The following PPP3CA variants were observed in gnomAD, a reference collection of about 807,000 sequenced individuals.
PPP3CA encodes CAM-PRP catalytic subunit.
Under a neutral mutation model 66.5 loss-of-function variants are expected in PPP3CA, and 14 were observed. The ratio of observed to expected loss-of-function variants is 0.21; its 90% CI spans 0.14 to 0.33. PPP3CA has a LOEUF of 0.33. PPP3CA is among the 10% of genes least tolerant of loss of function. The pLI, the probability that PPP3CA is intolerant of heterozygous loss-of-function variation, is 1.00. For synonymous variants in PPP3CA, 232 were observed against 226.2 expected (o/e 1.03, Z -0.23); for missense variants, 317 against 639.5 (o/e 0.50, Z 5.44).
intron 1 of PPP3CA, among the ~76,000 whole-genome samples, chr4:101,278,236 A>T (rs1443673198): frequency 6.6e-6 from 1 of 151,944 alleles, no homozygotes; most frequent in Non-Finnish European, 1.5e-5. Context: ...CAGTTTCTTA[A>T]TTATAAGCTT....
intron 6 of PPP3CA, among the ~76,000 whole-genome samples, chr4:101,092,939 T>C (rs1228857037): frequency 2.0e-5 from 3 of 152,152 alleles, no homozygotes; most frequent in African/African-American, 7.2e-5. Context: ...GTCTTTATAG[T>C]AGAATGATAT....
intron 2 of PPP3CA, among the ~76,000 whole-genome samples, chr4:101,186,854 T>G (rs1295435935): frequency 6.6e-6 from 1 of 152,080 alleles, no homozygotes; most frequent in Non-Finnish European, 1.5e-5. Context: ...AACCATACAC[T>G]AGAATCAACA....
intron 1 of PPP3CA, among the ~76,000 whole-genome samples, chr4:101,264,139 T>C (rs1307756660): frequency 6.6e-6 from 1 of 152,228 alleles, no homozygotes; most frequent in Non-Finnish European, 1.5e-5. Context: ...TGTCTTCACA[T>C]AAAGTTCTTC....
intron 1 of PPP3CA, among the ~76,000 whole-genome samples, chr4:101,263,944 G>T (rs556214053): frequency 6.6e-6 from 1 of 152,072 alleles, no homozygotes; most frequent in Admixed American, 6.6e-5. Flanking sequence ...TGTCAGTTAG[G>T]TTGACAGAGA....
intron 4 of PPP3CA, among the ~76,000 whole-genome samples, chr4:101,099,259 G>A (rs113598467): frequency 0.023 from 3,511 of 152,216 alleles, 60 homozygotes; most frequent in Middle Eastern, 0.088. Flanking sequence ...GTCCAAAACA[G>A]AGGCATAGGG....
intron 1 of PPP3CA, among the ~76,000 whole-genome samples, chr4:101,221,965 C>T (rs1328578562): frequency 6.6e-6 from 1 of 151,480 alleles, no homozygotes; most frequent in Non-Finnish European, 1.5e-5. Flanking sequence ...TAGGAGATAT[C>T]AAATCAGTAA....
intron 8 of PPP3CA, among the ~76,000 whole-genome samples, chr4:101,064,181 C>T (rs767591874): frequency 1.3e-5 from 2 of 151,940 alleles, no homozygotes; most frequent in Non-Finnish European, 2.9e-5. Flanking sequence ...AATCTGCATG[C>T]TTCATGTCTC....
intron 1 of PPP3CA, among the ~76,000 whole-genome samples, chr4:101,247,764 G>C (rs1429251566): frequency 3.9e-5 from 6 of 152,110 alleles, no homozygotes; most frequent in African/African-American, 1.2e-4. Context: ...AGGGCTAAAA[G>C]AGCAAAATAG....
At chr4:101,068,898 T>C (rs1034454378) in intron 8 of PPP3CA, among the ~76,000 whole-genome samples, 15 of 152,206 alleles carry the variant, frequency 9.9e-5, no homozygotes, top group Middle Eastern at 3.2e-3. Flanking sequence ...CTTATGAAGA[T>C]AGACTTCAAG....
chr4:101,095,279 C>T (rs911905823), intron 5 of PPP3CA, among the ~76,000 whole-genome samples: 1 of 152,002 alleles, frequency 6.6e-6, no homozygotes, highest in Admixed American at 6.5e-5. Flanking sequence ...AAGGGTAGGA[C>T]AGTAGAGGAG....
rs748980814 is a variant in PPP3CA at position 101,314,569 on chromosome 4, CAAAAAAAAAA to C, written c.58+32160_58+32169del. On this transcript the variant is annotated intron_variant, in intron 1 of 13. Transcript: ENST00000394854. ...ACAGAGCAAGACTCCATCTCAAAAC[CAAAAAAAAAA>C]AAAAAAAAAAAAAGATTTAATTTTC... 1.9e-3 allele frequency among the ~76,000 whole-genome samples: 144 copies of C among 75,262 alleles called. 1 individual carries two copies. The highest frequency in any genetic ancestry group is 0.011 in the Middle Eastern group (1 of 92). The allele number at this position is 75,262 out of a possible 152,430, so 49.4% of individuals were successfully genotyped here.
At chr4:101,163,156 G>C (rs1378209716) in intron 2 of PPP3CA, among the ~76,000 whole-genome samples, 1 of 152,172 alleles carries the variant, frequency 6.6e-6, no homozygotes, top group African/African-American at 2.4e-5. Flanking sequence ...AGTAGTTACA[G>C]CTTTGGCAGG....
chr4:101,141,717 C>T (rs1432839411), intron 2 of PPP3CA, among the ~76,000 whole-genome samples: 1 of 152,154 alleles, frequency 6.6e-6, no homozygotes, highest in Admixed American at 6.5e-5. Context: ...CTTGTTACAA[C>T]CTCACTTATT....
intron 1 of PPP3CA, among the ~76,000 whole-genome samples, chr4:101,341,174 C>A (rs185394078): frequency 6.7e-6 from 1 of 149,302 alleles, no homozygotes; most frequent in Non-Finnish European, 1.5e-5. Flanking sequence ...CTTAAATATA[C>A]CAAAAGAAGT....
chr4:101,180,100 C>T (rs1201562004), intron 2 of PPP3CA, among the ~76,000 whole-genome samples: 2 of 152,132 alleles, frequency 1.3e-5, no homozygotes, highest in Non-Finnish European at 2.9e-5. Context: ...CATGTGGTCA[C>T]ATCTAGCAGA....
At position 101,346,877 on chromosome 4, in the gene PPP3CA, ACGCCGCCGCCGCCGC is replaced by A. The variant is rs3974660; in HGVS notation, c.-96_-82del. ...ACCGGACCGGCGGGCCAGACACTCA[ACGCCGCCGCCGCCGC>A]CGCCGCCGCCGCGCTGCAAACCGCT... On this transcript the variant is annotated 5_prime_UTR_variant, in exon 1 of 14. Transcript: ENST00000394854. The A allele has an allele frequency of 7.7e-6, 10 of 1,292,940 alleles. No individual in the cohort carries two copies. The African/African-American group carries it at 8.2e-5, about 11-fold the overall frequency. The allele number at this position is 1,292,940 out of a possible 1,614,324, so 80.1% of individuals were successfully genotyped here. A position where few individuals can be genotyped will look rare whatever the true frequency, so the allele number is the denominator to read the frequency against.
rs966813316 is a variant in PPP3CA at position 101,184,338 on chromosome 4, C to T, written c.259+11578G>A. Among the ~76,000 whole-genome samples the T allele has an allele frequency of 3.9e-5, 6 of 152,096 alleles. 1 individual carries two copies. In the South Asian group the frequency reaches 6.2e-4, roughly 16 times the overall value. ...ATCAGTTCCCTGCACTTGATTCCTG[C>T]GGCTGCATTTACTAAGGCTCTTATT... is the stretch of plus-strand genomic sequence containing the variant. On this transcript the variant is annotated intron_variant, in intron 2 of 13. Coordinates refer to ENST00000394854, the MANE Select transcript of PPP3CA (RefSeq NM_000944.5).
chr4:101,293,282 C>T (rs550891383), intron 1 of PPP3CA, among the ~76,000 whole-genome samples: 10 of 152,304 alleles, frequency 6.6e-5, no homozygotes, highest in African/African-American at 2.4e-4. Flanking sequence ...TATTATCCCC[C>T]CTTTTCTGTC....
chr4:101,281,707 C>T (rs962420693), intron 1 of PPP3CA, among the ~76,000 whole-genome samples: 5 of 152,104 alleles, frequency 3.3e-5, no homozygotes, highest in African/African-American at 9.7e-5. Context: ...CTAAGTCAAT[C>T]GAATGTAATA....
Sources: allele counts gnomAD v4.1 joint callset (sites outside exome capture counted in the v4.1 genomes callset), GRCh38; gene constraint gnomAD v4.1.1; transcripts MANE v1.5; gene names NCBI Gene and HGNC (gene_info 2026-07-23, HGNC 2026-07-21).